The following VGLL3 variants were observed in gnomAD, a reference collection of about 807,000 sequenced individuals.
The protein encoded by VGLL3 is transcription cofactor vestigial-like protein 3.
VGLL3 carries 18 observed loss-of-function variants against 29.2 expected under a neutral mutation model. That is an observed-to-expected ratio of 0.62 (90% CI 0.43 to 0.91). The LOEUF (loss-of-function observed/expected upper bound fraction) is 0.91, where lower values mean the gene tolerates loss of function less well. Ranked by LOEUF, VGLL3 falls within the 40% of genes least tolerant of loss-of-function variation. The pLI, the probability that VGLL3 is intolerant of heterozygous loss-of-function variation, is 0.00. For synonymous variants in VGLL3, 180 were observed against 151.8 expected (o/e 1.19, Z -1.36); for missense variants, 440 against 413.2 (o/e 1.06, Z -0.56).
intron 2 of VGLL3, among the ~76,000 whole-genome samples, chr3:86,975,278 G>A (rs56338126): frequency 1.3e-5 from 2 of 152,138 alleles, no homozygotes; most frequent in East Asian, 1.9e-4. Context: ...AAAAATGTGA[G>A]TCTCATTTTA....
chr3:86,955,000 T>C (rs1247601431), intron 3 of VGLL3, among the ~76,000 whole-genome samples: 2 of 151,660 alleles, frequency 1.3e-5, no homozygotes, highest in Non-Finnish European at 2.9e-5. Context: ...GGATAACAAA[T>C]GTAGCCAAAC....
chr3:86,954,217 A>G (rs1374791945), intron 3 of VGLL3, among the ~76,000 whole-genome samples: 1 of 152,204 alleles, frequency 6.6e-6, no homozygotes, highest in Non-Finnish European at 1.5e-5. Context: ...GAAATGTAAA[A>G]CCCACTGAAG....
At chr3:86,985,756 A>G (rs1173855060) in intron 1 of VGLL3, among the ~76,000 whole-genome samples, 1 of 152,216 alleles carries the variant, frequency 6.6e-6, no homozygotes, top group Non-Finnish European at 1.5e-5. Context: ...CAACTCTTAG[A>G]GAGCTTTTGC....
At chr3:86,959,200 T>G (rs1248478107) in intron 3 of VGLL3, among the ~76,000 whole-genome samples, 1 of 152,160 alleles carries the variant, frequency 6.6e-6, no homozygotes, top group African/African-American at 2.4e-5. Context: ...AAAAATCATA[T>G]AGTCCTAGGG....
Position 86,938,630 on chromosome 3 carries a change from G to C in VGLL3, c.*8394C>G, listed in dbSNP as rs557747591. 6.5e-6 allele frequency: 1 copy of C among 152,776 alleles called. No individual in the cohort carries two copies. The highest frequency in any genetic ancestry group is 1.5e-5 in the Non-Finnish European group (1 of 68,042). 9.5% of individuals were successfully genotyped at this position (152,776 alleles called of 1,614,324 possible). A position where few individuals can be genotyped will look rare whatever the true frequency, so the allele number is the denominator to read the frequency against. On this transcript the variant is annotated 3_prime_UTR_variant, in exon 4 of 4. Transcript: ENST00000398399. ...TGGAAAGTAAAACAGTTGTGCTTGA[G>C]TGTTGTTTCGAACAAAGTCTTGCAG...
rs80259752 is a variant in VGLL3, at chr3:86,941,449, GT to G, written c.*5574del. On this transcript the variant is annotated 3_prime_UTR_variant, in exon 4 of 4. Coordinates refer to ENST00000398399, the MANE Select transcript of VGLL3 (RefSeq NM_016206.4). ...TGCCAAATTTAGTAGTCTAGAAATT[GT>G]TTTTTTTTTTAAAAAAACAAATTGA... 1,179 of 147,242 alleles carry G rather than the reference GT, an allele frequency of 8.0e-3. 9 individuals carry two copies. The highest frequency in any genetic ancestry group is 0.017 in the East Asian group (86 of 5,014). The allele number at this position is 147,242 out of a possible 1,614,324, so 9.1% of individuals were successfully genotyped here.
Position 86,942,015 on chromosome 3 carries a change from T to C in VGLL3, c.*5009A>G, listed in dbSNP as rs1184250935. 3 of 152,164 alleles carry C rather than the reference T, an allele frequency of 2.0e-5. No individual in the cohort carries two copies. Among genetic ancestry groups the C allele is most frequent in the Non-Finnish European group, 1.5e-5 (1 of 68,034 alleles). The allele number at this position is 152,164 out of a possible 1,614,324, so 9.4% of individuals were successfully genotyped here. On this transcript the variant is annotated 3_prime_UTR_variant, in exon 4 of 4. Transcript: ENST00000398399. ...GGATGTTGAAAGTTAGGCTAAAATT[T>C]TTACCTAATTTTTCTATAATGATTT...
At chr3:86,981,205 T>C (rs1310330876) in intron 1 of VGLL3, among the ~76,000 whole-genome samples, 1 of 152,130 alleles carries the variant, frequency 6.6e-6, no homozygotes, top group Non-Finnish European at 1.5e-5. Context: ...TCATAAAATA[T>C]CAATTTTAAA....
intron 2 of VGLL3, among the ~76,000 whole-genome samples, chr3:86,971,630 T>C (rs1400182774): frequency 6.6e-6 from 1 of 152,244 alleles, no homozygotes; most frequent in African/African-American, 2.4e-5. Flanking sequence ...TATGTTTTCT[T>C]GAATTAACAA....
Position 86,939,802 on chromosome 3 carries a change from G to T in VGLL3, c.*7222C>A, listed in dbSNP as rs1704355907. 1.3e-5 allele frequency: 2 copies of T among 152,230 alleles called. No homozygotes were observed. 9.4% of individuals were successfully genotyped at this position (152,230 alleles called of 1,614,324 possible). A position where few individuals can be genotyped will look rare whatever the true frequency, so the allele number is the denominator to read the frequency against. ...TGAGAAGGTCTTGACCAGGTTGCTGGATTTGAAGATGGAAGGAAACTAAGC... is the reference window on the plus strand; with the variant it reads ...TGAGAAGGTCTTGACCAGGTTGCTGTATTTGAAGATGGAAGGAAACTAAGC... On this transcript the variant is annotated 3_prime_UTR_variant, in exon 4 of 4. Transcript: ENST00000398399.
intron 3 of VGLL3, among the ~76,000 whole-genome samples, chr3:86,952,958 A>G (rs1704645718): frequency 6.6e-6 from 1 of 152,178 alleles, no homozygotes; most frequent in African/African-American, 2.4e-5. Flanking sequence ...CCCTGAGGCA[A>G]TCACTTTAAA....
chr3:86,979,180 A>T (rs1274642299), intron 1 of VGLL3, among the ~76,000 whole-genome samples: 1 of 152,196 alleles, frequency 6.6e-6, no homozygotes, highest in Non-Finnish European at 1.5e-5. Flanking sequence ...GTTTATTTTT[A>T]AAAATGCAAT....
At chr3:86,960,944 T>C (rs1344873430) in intron 3 of VGLL3, among the ~76,000 whole-genome samples, 1 of 115,694 alleles carries the variant, frequency 8.6e-6, no homozygotes, top group Admixed American at 1.2e-4. Flanking sequence ...TATATATATA[T>C]ATATATATAT....
chr3:86,973,354 C>A (rs749704365), intron 2 of VGLL3, among the ~76,000 whole-genome samples: 1 of 152,002 alleles, frequency 6.6e-6, no homozygotes, highest in Non-Finnish European at 1.5e-5. Flanking sequence ...AGTTAAAAAA[C>A]AAAATTCTAC....
At chr3:86,974,859 G>C (rs6802660) in intron 2 of VGLL3, among the ~76,000 whole-genome samples, 16,683 of 152,034 alleles carry the variant, frequency 0.11, 2,498 homozygotes, top group African/African-American at 0.34. Flanking sequence ...ATCTAAGACT[G>C]TGTGTTTTGT....
chr3:86,987,735 T>C (rs1705480921), intron 1 of VGLL3, among the ~76,000 whole-genome samples: 1 of 152,218 alleles, frequency 6.6e-6, no homozygotes, highest in African/African-American at 2.4e-5. Context: ...ATGTATACTT[T>C]GCACATATTT....
chr3:86,948,592 TAA>T lies in VGLL3; in HGVS notation c.938-1527_938-1526del, dbSNP rs1407056263. 4.6e-5 allele frequency among the ~76,000 whole-genome samples: 7 copies of T among 152,118 alleles called. No individual in the cohort carries two copies. The East Asian group carries it at 9.7e-4, about 21-fold the overall frequency. On this transcript the variant is annotated intron_variant, in intron 3 of 3. Coordinates refer to ENST00000398399, the MANE Select transcript of VGLL3 (RefSeq NM_016206.4). ...TTAAGTATAATAATAATAAATTAATTAATTTTAAAAAAGCAGCATCTCATAAA... is the reference window on the plus strand; with the variant it reads ...TTAAGTATAATAATAATAAATTAATTTTTTAAAAAAGCAGCATCTCATAAA...
rs1268696335 is a variant in VGLL3, at chr3:86,938,543, G to T, written c.*8481C>A. The T allele has an allele frequency of 6.6e-6, 1 of 152,620 alleles. No individual in the cohort carries two copies. Among genetic ancestry groups the T allele is most frequent in the Non-Finnish European group, 1.5e-5 (1 of 68,044 alleles). The allele number at this position is 152,620 out of a possible 1,614,324, so 9.5% of individuals were successfully genotyped here. ...TTTGGCTCTCTGCAAATAGTCTCTT[G>T]TACAAGTGCAAAGCAAAGATCAATG... On this transcript the variant is annotated 3_prime_UTR_variant, in exon 4 of 4. Transcript: ENST00000398399.
At position 86,978,535 on chromosome 3, in the gene VGLL3, G is replaced by C; in HGVS notation, c.394C>G (p.Leu132Val). 6.2e-7 allele frequency: 1 copy of C among 1,613,924 alleles called. No individual in the cohort carries two copies. The highest frequency in any genetic ancestry group is 8.5e-7 in the Non-Finnish European group (1 of 1,179,918). ...ISKSKMGLTP[L>V]WRDSSALSSQ... is the part of the protein sequence containing the mutation. ...GCTTTTGAATTCTTACCTCGCCATA[G>C]GGGGGTTAGCCCCATCTTGCTTTTT... The change falls in exon 2 of 4, where the codon CTA (leucine) becomes GTA (valine). Residue 132 changes from leucine to valine, a missense_variant. Physicochemically the swap from Leu to Val is conservative, Grantham distance 32. Coordinates refer to ENST00000398399, the MANE Select transcript of VGLL3 (RefSeq NM_016206.4).
Sources: gnomAD v4.1 joint callset for allele counts (sites outside exome capture counted in the v4.1 genomes callset) on GRCh38, gnomAD v4.1.1 for gene constraint, MANE v1.5 for transcripts, NCBI Gene and HGNC (gene_info 2026-07-23, HGNC 2026-07-21) for gene names.